Variants in INSL6 observed in about 807,000 individuals in gnomAD.
INSL6 encodes insulin like 6.
In INSL6, 16 loss-of-function variants were observed where a neutral mutation model predicts 9.4. That is an observed-to-expected ratio of 1.70 (90% CI 1.15 to 2.59). The LOEUF (loss-of-function observed/expected upper bound fraction) is 2.59. Among genes scored for constraint, INSL6 ranks in the 30% most tolerant of loss-of-function variants. The pLI is 0.00. For missense variants in INSL6, 391 were observed against 257.3 expected (o/e 1.52, Z -3.56); for synonymous variants, 154 against 96.9 (o/e 1.59, Z -3.46).
chr9:5,159,283 T>G (rs1468255501), downstream of INSL6, among the ~76,000 whole-genome samples: 2 of 151,456 alleles, frequency 1.3e-5, no homozygotes, highest in African/African-American at 4.9e-5. Context: ...CAGGAATAAG[T>G]CCTTACTTGT....
At chr9:5,086,027 A>G in the INSL6 span, 19 of 787,630 alleles carry the variant, frequency 2.4e-5, no homozygotes, top group Middle Eastern at 3.7e-4. Flanking sequence ...ATACATTTGG[A>G]CAGGCAGGTG....
the INSL6 span, among the ~76,000 whole-genome samples, chr9:5,007,085 C>T: frequency 2.6e-5 from 4 of 151,902 alleles, no homozygotes; most frequent in Non-Finnish European, 5.9e-5. Context: ...CAACGTTTTA[C>T]TTTGCTTTTC....
chr9:5,175,192 G>A (rs948433659), intron 1 of INSL6, among the ~76,000 whole-genome samples: 12 of 151,970 alleles, frequency 7.9e-5, no homozygotes, highest in Non-Finnish European at 1.3e-4. Context: ...CACCTGCCTC[G>A]GCCTCCCAAA....
chr9:5,159,874 A>C (rs1215708735), downstream of INSL6, among the ~76,000 whole-genome samples: 1 of 152,210 alleles, frequency 6.6e-6, no homozygotes, highest in Non-Finnish European at 1.5e-5. Flanking sequence ...CTCATCCTCG[A>C]GAATAGACCA....
chr9:5,029,924 G>C, the INSL6 span: 2 of 1,568,764 alleles, frequency 1.3e-6, no homozygotes, highest in Non-Finnish European at 1.7e-6. Context: ...CTTCAGTAAA[G>C]TAACTCACTT....
chr9:4,992,110 CA>C, the INSL6 span, among the ~76,000 whole-genome samples: 2 of 152,162 alleles, frequency 1.3e-5, no homozygotes, highest in Admixed American at 6.5e-5. Context: ...AATTGCCAGC[CA>C]GGGGTGACTT....
chr9:5,119,286 C>A (rs943690936), downstream of INSL6, among the ~76,000 whole-genome samples: 18 of 151,990 alleles, frequency 1.2e-4, no homozygotes, highest in African/African-American at 4.1e-4. Flanking sequence ...AAACAAATGA[C>A]AGAACAAATG....
chr9:5,029,484 G>A, the INSL6 span, among the ~76,000 whole-genome samples: 2 of 152,100 alleles, frequency 1.3e-5, no homozygotes, highest in African/African-American at 4.8e-5. Context: ...GAAAAATGGT[G>A]CTGACAGACT....
the INSL6 span, among the ~76,000 whole-genome samples, chr9:5,014,510 A>C: frequency 6.6e-6 from 1 of 152,178 alleles, no homozygotes; most frequent in African/African-American, 2.4e-5. Context: ...GCAAAATCAT[A>C]ATCTAATCTA....
chr9:5,167,829 A>T (rs1050003201), intron 1 of INSL6, among the ~76,000 whole-genome samples: 1 of 152,172 alleles, frequency 6.6e-6, no homozygotes, highest in Non-Finnish European at 1.5e-5. Context: ...TGCTGGCATC[A>T]GGTTAGCACC....
chr9:5,038,973 A>T, the INSL6 span, among the ~76,000 whole-genome samples: 1 of 152,110 alleles, frequency 6.6e-6, no homozygotes, highest in Non-Finnish European at 1.5e-5. Flanking sequence ...ATTATAAAAA[A>T]ACTCAACACA....
intron 2 of INSL6, among the ~76,000 whole-genome samples, chr9:5,149,110 C>A (rs952757379): frequency 2.0e-5 from 3 of 152,198 alleles, no homozygotes; most frequent in Admixed American, 6.5e-5. Flanking sequence ...CCATCTCTGT[C>A]GAATCTCTGG....
At chr9:5,077,626 A>G in the INSL6 span, 15 of 1,218,478 alleles carry the variant, frequency 1.2e-5, 1 homozygote, top group Middle Eastern at 8.1e-4. Context: ...TTTATTTTAT[A>G]AAACAATATA....
At chr9:5,022,536 A>C in the INSL6 span, among the ~76,000 whole-genome samples, 1 of 152,260 alleles carries the variant, frequency 6.6e-6, no homozygotes, top group Admixed American at 6.5e-5. Flanking sequence ...CCTGAGAGCA[A>C]CATGAAAGCA....
intron 3 of INSL6, chr9:5,126,734 C>G: frequency 6.2e-7 from 1 of 1,611,202 alleles, no homozygotes; most frequent in South Asian, 1.1e-5. Flanking sequence ...ATCAACGCCC[C>G]TCCTTTAGGG....
the INSL6 span, chr9:5,114,789 T>C: frequency 3.3e-5 from 10 of 306,446 alleles, no homozygotes; most frequent in Non-Finnish European, 4.5e-5. Context: ...GTAACTGTTG[T>C]CTGTAAATCC....
intron 2 of INSL6, among the ~76,000 whole-genome samples, chr9:5,158,617 A>T (rs1325752761): frequency 1.3e-5 from 2 of 152,166 alleles, no homozygotes; most frequent in Non-Finnish European, 2.9e-5. Flanking sequence ...CTTTTGCCCT[A>T]CAAGAGTATA....
chr9:5,135,379 AAC>A (rs1464838493), intron 2 of INSL6, among the ~76,000 whole-genome samples: 1 of 151,992 alleles, frequency 6.6e-6, no homozygotes, highest in African/African-American at 2.4e-5. Flanking sequence ...TTGGAAGTAA[AAC>A]ACTCATCAGC....
At chr9:5,125,150 C>A (rs1267071255) in intron 3 of INSL6, among the ~76,000 whole-genome samples, 2 of 150,998 alleles carry the variant, frequency 1.3e-5, no homozygotes, top group South Asian at 2.1e-4. Flanking sequence ...TCAGAGAAGA[C>A]CACCTCAATA....
Sources: gnomAD v4.1 joint callset for allele counts (sites outside exome capture counted in the v4.1 genomes callset) on GRCh38, gnomAD v4.1.1 for gene constraint, MANE v1.5 for transcripts, NCBI Gene and HGNC (gene_info 2026-07-23, HGNC 2026-07-21) for gene names.